Variants in SHANK2 observed in about 807,000 individuals in gnomAD.
The protein encoded by SHANK2 is SH3 and multiple ankyrin repeat domains protein 2.
SHANK2 carries 43 observed loss-of-function variants against 133.7 expected under a neutral mutation model. That is an observed-to-expected ratio of 0.32 (90% CI 0.25 to 0.41). The LOEUF (loss-of-function observed/expected upper bound fraction) is 0.41. SHANK2 is among the 10% of genes least tolerant of loss of function. The pLI is 1.00. For missense variants in SHANK2, 1,994 were observed against 2,235.8 expected (o/e 0.89, Z 2.18); for synonymous variants, 1,017 against 952.8 (o/e 1.07, Z -1.24).
intron 21 of SHANK2, among the ~76,000 whole-genome samples, chr11:70,496,110 T>G (rs1430735113): frequency 1.3e-5 from 2 of 152,080 alleles, no homozygotes; most frequent in African/African-American, 4.8e-5. Context: ...GCCGAGGCCC[T>G]GCAGGGGAAG....
intron 3 of SHANK2, among the ~76,000 whole-genome samples, chr11:71,131,358 G>T (rs1388527053): frequency 1.3e-5 from 2 of 152,182 alleles, no homozygotes; most frequent in Admixed American, 1.3e-4. Context: ...AGCCTAGTCG[G>T]GGGGTGCTGA....
intron 6 of SHANK2, among the ~76,000 whole-genome samples, chr11:71,095,992 C>G (rs1951605432): frequency 7.8e-6 from 1 of 128,828 alleles, no homozygotes; most frequent in Non-Finnish European, 1.8e-5. Context: ...CCTGTCTTCC[C>G]CAACTAGAAT....
chr11:71,094,951 G>A (rs138559442), intron 6 of SHANK2, among the ~76,000 whole-genome samples: 1 of 152,346 alleles, frequency 6.6e-6, no homozygotes, highest in East Asian at 1.9e-4. Flanking sequence ...TGCTGTGTGG[G>A]CCACAGTCCA....
chr11:70,497,040 T>A, intron 21 of SHANK2: 1 of 456,696 alleles, frequency 2.2e-6, no homozygotes, highest in Non-Finnish European at 4.4e-6. Flanking sequence ...CTAGAGCATG[T>A]GAGAGCAGCC....
At chr11:71,126,088 G>A in intron 3 of SHANK2, among the ~76,000 whole-genome samples, 1 of 151,746 alleles carries the variant, frequency 6.6e-6, no homozygotes, top group Middle Eastern at 3.2e-3. Flanking sequence ...TGTGGTGGCA[G>A]GCACCTGTAG....
At chr11:71,234,369 A>ATAAATAAC (rs1344835699) in intron 1 of SHANK2, among the ~76,000 whole-genome samples, 2 of 141,418 alleles carry the variant, frequency 1.4e-5, no homozygotes, top group African/African-American at 5.3e-5. Context: ...TCAAAAATAA[A>ATAAATAAC]TAAATAAATA....
At chr11:70,659,468 C>T (rs782206067) in intron 17 of SHANK2, among the ~76,000 whole-genome samples, 6 of 152,164 alleles carry the variant, frequency 3.9e-5, no homozygotes, top group Non-Finnish European at 7.4e-5. Flanking sequence ...CAAGAAGGGA[C>T]GATGACTCCT....
At chr11:70,559,555 T>A (rs2136122232) in intron 17 of SHANK2, among the ~76,000 whole-genome samples, 1 of 152,278 alleles carries the variant, frequency 6.6e-6, no homozygotes, top group Non-Finnish European at 1.5e-5. Context: ...CTCCTCACAC[T>A]GGGCGCTCCA....
chr11:71,096,319 G>A (rs1951611165), intron 6 of SHANK2, among the ~76,000 whole-genome samples: 1 of 152,214 alleles, frequency 6.6e-6, no homozygotes, highest in Admixed American at 6.5e-5. Context: ...GGCAAGGAAG[G>A]CTCAGCAAGG....
chr11:70,492,296 C>A (rs781975070), intron 22 of SHANK2, 39 bp downstream of exon 22: 2 of 1,603,748 alleles, frequency 1.2e-6, no homozygotes, highest in Non-Finnish European at 1.7e-6. Flanking sequence ...TGGGCACCGT[C>A]GGCCCCCGCC....
chr11:70,633,860 C>T (rs1001267199), intron 17 of SHANK2: 1 of 152,252 alleles, frequency 6.6e-6, no homozygotes, highest in African/African-American at 2.4e-5. Context: ...CTGGGCCCAA[C>T]ATTAACAGCG....
In SHANK2 at chr11:71,106,335, C is replaced by T. The variant is rs192507198; in HGVS notation, c.592+3606G>A. ...GAAAATAAGAGGCTGGGCTCAGTGG[C>T]TCACGCCTGTAATCCAAACACTTCA... On this transcript the variant is annotated intron_variant, in intron 6 of 25. Coordinates refer to ENST00000601538, the MANE Select transcript of SHANK2 (RefSeq NM_012309.5). 1.1e-3 allele frequency among the ~76,000 whole-genome samples: 168 copies of T among 152,358 alleles called. 1 individual carries two copies. Among genetic ancestry groups the T allele is most frequent in the African/African-American group, 3.8e-3 (158 of 41,588 alleles).
chr11:70,553,968 A>G (rs1024797833), intron 17 of SHANK2, among the ~76,000 whole-genome samples: 1 of 152,240 alleles, frequency 6.6e-6, no homozygotes, highest in African/African-American at 2.4e-5. Context: ...ACAGGAAGTC[A>G]GCAGCAATCT....
intron 17 of SHANK2, among the ~76,000 whole-genome samples, chr11:70,618,447 C>T (rs1357171357): frequency 1.3e-5 from 2 of 152,172 alleles, no homozygotes; most frequent in Non-Finnish European, 1.5e-5. Context: ...CTAGCCTAAC[C>T]ATCTGAGGAA....
rs1953416607 is a variant in SHANK2, at chr11:71,175,545, G to GAGAGAGA, written c.-12-28208_-12-28207insTCTCTCT. Among the ~76,000 whole-genome samples the GAGAGAGA allele has an allele frequency of 1.3e-5, 1 of 79,306 alleles. No homozygotes were observed. The highest frequency in any genetic ancestry group is 4.4e-5 in the African/African-American group (1 of 22,508). The allele number at this position is 79,306 out of a possible 152,430, so 52.0% of individuals were successfully genotyped here. The stretch of plus-strand genomic sequence containing the variant: ...GACAGACAGACAGACAGAGGGAGAG[G>GAGAGAGA]GAGAGGGAGAGAGAGAGAGAGAGAG... On this transcript the variant is annotated intron_variant, in intron 2 of 25. Coordinates refer to ENST00000601538, the MANE Select transcript of SHANK2 (RefSeq NM_012309.5). This position sits in a 1 kb window ranked among gnomAD's most constrained non-coding sequence, Gnocchi z 4.2.
intron 2 of SHANK2, among the ~76,000 whole-genome samples, chr11:71,183,406 G>A (rs1953603299): frequency 6.6e-6 from 1 of 150,426 alleles, no homozygotes; most frequent in East Asian, 2.0e-4. Context: ...CAGCTGTGAG[G>A]CCACAGGGCT....
Position 70,487,550 on chromosome 11 carries a change from T to G in SHANK2, c.2743A>C (p.Arg915=), listed in dbSNP as rs782117005. 45 of 1,613,660 alleles carry G rather than the reference T, an allele frequency of 2.8e-5. No homozygotes were observed. Among genetic ancestry groups the G allele is most frequent in the Non-Finnish European group, 3.6e-5 (43 of 1,179,964 alleles). The change falls in exon 25 of 26, where the codon AGA becomes CGA. Residue 915 remains arginine (R), a synonymous_variant. Coordinates refer to ENST00000601538, the MANE Select transcript of SHANK2 (RefSeq NM_012309.5). The surrounding 1 kb of genome is among the most constrained non-coding windows in gnomAD (Gnocchi z 5.8). ...GCAGGCTTAATCGTCCCGTAGACTC[T>G]TGGAGTTGGGGACTTGGGGCAGTTG... ...TYNCPKSPTP[R]VYGTIKPAFN... is the part of the protein sequence containing the mutation.
At chr11:70,926,282 G>A (rs147895574) in intron 10 of SHANK2, among the ~76,000 whole-genome samples, 62 of 152,254 alleles carry the variant, frequency 4.1e-4, no homozygotes, top group African/African-American at 1.4e-3. Context: ...ATGGTGATAC[G>A]TGCCTGTAGT....
chr11:70,635,364 T>A (rs532011589), intron 17 of SHANK2: 1 of 152,316 alleles, frequency 6.6e-6, no homozygotes, highest in East Asian at 1.9e-4. Flanking sequence ...AGAGTTGGGA[T>A]AGTTATCATT....
Sources: allele counts gnomAD v4.1 joint callset (sites outside exome capture counted in the v4.1 genomes callset), GRCh38; gene constraint gnomAD v4.1.1; non-coding constraint Gnocchi (gnomAD v3.1); transcripts MANE v1.5; gene names NCBI Gene and HGNC (gene_info 2026-07-23, HGNC 2026-07-21).